The following CTTNBP2 variants were observed in gnomAD, a reference collection of about 807,000 sequenced individuals.
The protein encoded by CTTNBP2 is cortactin binding protein 2, also known as cortactin-binding protein 2.
In CTTNBP2, 108 loss-of-function variants were observed where a neutral mutation model predicts 156.9. That is an observed-to-expected ratio of 0.69 (90% CI 0.59 to 0.81). CTTNBP2 has a LOEUF of 0.81. CTTNBP2 is among the 30% of genes least tolerant of loss of function. CTTNBP2 has a pLI of 0.00. For missense variants in CTTNBP2, 1,924 were observed against 2,035.4 expected (o/e 0.95, Z 1.05); for synonymous variants, 767 against 751.8 (o/e 1.02, Z -0.33).
At position 117,791,370 on chromosome 7, in the gene CTTNBP2, G is replaced by A; in HGVS notation, c.1826C>T (p.Pro609Leu). The part of the protein sequence containing the change: ...NEENLPKSSS[P>L]QLPPKPSIDL... ...TATGGATGGTTTTGGTGGCAGCTGA[G>A]GGGAGGATGACTTAGGAAGGTTCTC... is the stretch of plus-strand genomic sequence containing the variant. Residue 609 changes from proline (P) to leucine (L), a missense_variant, in exon 4 of 23, where the codon CCT (proline) becomes CTT (leucine). Physicochemically the swap from Pro to Leu is moderately conservative, Grantham distance 98. Transcript: ENST00000160373. 4 of 1,614,166 alleles carry A rather than the reference G, an allele frequency of 2.5e-6. No individual in the cohort carries two copies. The South Asian group carries it at 4.4e-5, about 18-fold the overall frequency.
At chr7:117,729,536 G>C (rs1457495323) in intron 16 of CTTNBP2, among the ~76,000 whole-genome samples, 1 of 152,184 alleles carries the variant, frequency 6.6e-6, no homozygotes, top group Admixed American at 6.5e-5. Context: ...AAAAATCCAT[G>C]TAAGTTAGTG....
intron 8 of CTTNBP2, among the ~76,000 whole-genome samples, chr7:117,776,623 T>C (rs6977929): frequency 0.28 from 41,845 of 152,100 alleles, 10,758 homozygotes; most frequent in African/African-American, 0.68. Context: ...TGAATTTAAC[T>C]TTCCTTGCAA....
intron 4 of CTTNBP2, 52 bp from the exon 5 acceptor site, chr7:117,784,506 G>A: frequency 7.7e-7 from 1 of 1,302,782 alleles, no homozygotes; most frequent in South Asian, 1.5e-5. Flanking sequence ...ACAAGAGACA[G>A]ATATTACCCA....
intron 14 of CTTNBP2, among the ~76,000 whole-genome samples, chr7:117,745,407 C>A (rs1796273410): frequency 6.6e-6 from 1 of 152,140 alleles, no homozygotes; most frequent in Non-Finnish European, 1.5e-5. Flanking sequence ...GCCCCAGGTG[C>A]AGCACTAAGG....
At chr7:117,805,709 T>G (rs1014124972) in intron 3 of CTTNBP2, among the ~76,000 whole-genome samples, 1 of 152,130 alleles carries the variant, frequency 6.6e-6, no homozygotes, top group Non-Finnish European at 1.5e-5. Context: ...ATCAATAAAG[T>G]AGTTTCCAGT....
intron 2 of CTTNBP2, among the ~76,000 whole-genome samples, chr7:117,822,000 C>T (rs1266794676): frequency 6.6e-6 from 1 of 152,106 alleles, no homozygotes; most frequent in African/African-American, 2.4e-5. Flanking sequence ...AATGAGTTCA[C>T]CCATTTACCA....
At chr7:117,821,500 T>C (rs1475980880) in intron 2 of CTTNBP2, among the ~76,000 whole-genome samples, 1 of 152,198 alleles carries the variant, frequency 6.6e-6, no homozygotes, top group Non-Finnish European at 1.5e-5. Flanking sequence ...ATATTGTTAA[T>C]ACACTGAATT....
chr7:117,808,274 T>C (rs1800065903), intron 3 of CTTNBP2, among the ~76,000 whole-genome samples: 1 of 151,586 alleles, frequency 6.6e-6, no homozygotes, highest in South Asian at 2.1e-4. Context: ...TATTAAAAGA[T>C]GATAGACAAG....
chr7:117,806,439 C>A (rs1294393441), intron 3 of CTTNBP2, among the ~76,000 whole-genome samples: 1 of 152,204 alleles, frequency 6.6e-6, no homozygotes, highest in Non-Finnish European at 1.5e-5. Flanking sequence ...GACATTTAAC[C>A]ATACTCTTGA....
intron 8 of CTTNBP2, among the ~76,000 whole-genome samples, chr7:117,777,096 G>A (rs1292612774): frequency 6.6e-6 from 1 of 152,108 alleles, no homozygotes; most frequent in African/African-American, 2.4e-5. Flanking sequence ...CACAGTTAGG[G>A]ATAAGTTTGG....
At chr7:117,715,367 G>A (rs1208822772) in intron 22 of CTTNBP2, among the ~76,000 whole-genome samples, 1 of 150,994 alleles carries the variant, frequency 6.6e-6, no homozygotes, top group Non-Finnish European at 1.5e-5. Flanking sequence ...TCAGGGCTAT[G>A]TTTTAGAACA....
chr7:117,802,883 A>G lies in CTTNBP2; in HGVS notation c.414+7882T>C, dbSNP rs572956463. 2.6e-5 allele frequency among the ~76,000 whole-genome samples: 4 copies of G among 152,316 alleles called. No individual in the cohort carries two copies. In the East Asian group the frequency reaches 7.7e-4, roughly 29 times the overall value. ...CTATTAATAAAAAGTCAAAAAAATA[A>G]TAGATGCTGAAGAGGCTGTGGAGAA... On this transcript the variant is annotated intron_variant, in intron 3 of 22. Transcript: ENST00000160373.
chr7:117,744,738 C>T (rs1359949118), intron 14 of CTTNBP2, among the ~76,000 whole-genome samples: 1 of 152,052 alleles, frequency 6.6e-6, no homozygotes, highest in African/African-American at 2.4e-5. Flanking sequence ...TACACACACA[C>T]ACACACAAAT....
At chr7:117,772,815 C>A (rs1221281644) in intron 8 of CTTNBP2, among the ~76,000 whole-genome samples, 3 of 152,066 alleles carry the variant, frequency 2.0e-5, no homozygotes, top group Non-Finnish European at 4.4e-5. Flanking sequence ...AACCCAGATC[C>A]ATGAAAGGTG....
At chr7:117,712,432 A>G (rs1374771539) in intron 22 of CTTNBP2, 1 of 152,168 alleles carries the variant, frequency 6.6e-6, no homozygotes, top group Non-Finnish European at 1.5e-5. Flanking sequence ...CAGTGAACGG[A>G]GTGGTGAAGC....
At chr7:117,741,228 G>GAGAT (rs1796000316) in intron 14 of CTTNBP2, among the ~76,000 whole-genome samples, 1 of 152,122 alleles carries the variant, frequency 6.6e-6, no homozygotes, top group Admixed American at 6.6e-5. Flanking sequence ...GCAGGAGGAG[G>GAGAT]AGATAGAGGA....
chr7:117,854,804 AG>A (rs1803176667), intron 2 of CTTNBP2, among the ~76,000 whole-genome samples: 1 of 151,754 alleles, frequency 6.6e-6, no homozygotes, highest in African/African-American at 2.4e-5. Flanking sequence ...TTATTTTTTG[AG>A]ACAGAGTCTC....
intron 2 of CTTNBP2, among the ~76,000 whole-genome samples, chr7:117,843,496 C>T (rs901667200): frequency 3.9e-5 from 6 of 152,084 alleles, no homozygotes; most frequent in African/African-American, 1.4e-4. Context: ...GCTTTCCAGA[C>T]AGAGGAAACA....
At chr7:117,746,749 A>T (rs1287272160) in intron 12 of CTTNBP2, among the ~76,000 whole-genome samples, 1 of 152,198 alleles carries the variant, frequency 6.6e-6, no homozygotes, top group African/African-American at 2.4e-5. Flanking sequence ...ACTCAGATCA[A>T]CTTTATATAT....
Sources: gnomAD v4.1 joint callset for allele counts (sites outside exome capture counted in the v4.1 genomes callset) on GRCh38, gnomAD v4.1.1 for gene constraint, MANE v1.5 for transcripts, NCBI Gene and HGNC (gene_info 2026-07-23, HGNC 2026-07-21) for gene names.